Variants in LONRF2 observed in about 807,000 individuals in gnomAD.
The protein encoded by LONRF2 is LON peptidase N-terminal domain and ring finger 2.
In LONRF2, 35 loss-of-function variants were observed where a neutral mutation model predicts 66.6. The ratio of observed to expected loss-of-function variants is 0.53; its 90% CI spans 0.40 to 0.70. The LOEUF (loss-of-function observed/expected upper bound fraction) is 0.70. LONRF2 is among the 30% of genes least tolerant of loss of function. The pLI is 0.00. For missense variants in LONRF2, 902 were observed against 1,002.1 expected, an observed-to-expected ratio of 0.90 and a Z score of 1.35; for synonymous variants, 417 against 418.1, an observed-to-expected ratio of 1.00 and a Z score of 0.03.
intron 1 of LONRF2, among the ~76,000 whole-genome samples, chr2:100,312,765 T>A (rs1434338726): frequency 6.6e-6 from 1 of 152,238 alleles, no homozygotes; most frequent in African/African-American, 2.4e-5. Context: ...ACTTCACAAT[T>A]TAGTCTTTTA....
chr2:100,300,010 G>GAA, intron 4 of LONRF2, 92 bp from the exon 5 acceptor site: 2 of 361,122 alleles, frequency 5.5e-6, no homozygotes, highest in Non-Finnish European at 4.8e-6. Context: ...GAAATCTTTG[G>GAA]AAAAAAAAAG....
At chr2:100,298,250 T>C (rs916499356) in intron 7 of LONRF2, among the ~76,000 whole-genome samples, 3 of 152,250 alleles carry the variant, frequency 2.0e-5, no homozygotes, top group Non-Finnish European at 4.4e-5. Flanking sequence ...GTATTTACCA[T>C]ACCTAACGTA....
Position 100,321,653 on chromosome 2 carries a change from C to T in LONRF2, c.441G>A (p.Arg147=). 7.2e-7 allele frequency: 1 copy of T among 1,388,910 alleles called. No individual in the cohort carries two copies. The highest frequency in any genetic ancestry group is 9.3e-7 in the Non-Finnish European group (1 of 1,071,486). The allele number at this position is 1,388,910 out of a possible 1,614,324, so 86.0% of individuals were successfully genotyped here. The change falls in exon 1 of 12, where the codon CGG becomes CGA. Residue 147 remains arginine (R), a synonymous_variant. Coordinates refer to ENST00000393437, the MANE Select transcript of LONRF2 (RefSeq NM_198461.4). ...PRDLLGCPRC[R]RLLHKPVTLP... ...GCGTCACCGGCTTATGCAGCAGCCG[C>T]CGGCAGCGCGGGCAGCCGAGCAGGT...
At chr2:100,293,396 C>T (rs545049627) in intron 9 of LONRF2, among the ~76,000 whole-genome samples, 1 of 152,198 alleles carries the variant, frequency 6.6e-6, no homozygotes, top group Admixed American at 6.5e-5. Flanking sequence ...TTCCTGGGCA[C>T]GTAGGTGGAC....
Position 100,322,181 on chromosome 2 carries a change from C to A in LONRF2, c.-88G>T. Reference sequence around the variant, plus strand: ...TGCTGGGAACTGGCCGGCGGGAGCGCGGTCTCAGCCCTCGCCAGCAGCCAC... The same window carrying A: ...TGCTGGGAACTGGCCGGCGGGAGCGAGGTCTCAGCCCTCGCCAGCAGCCAC... On this transcript the variant is annotated 5_prime_UTR_variant, in exon 1 of 12. Transcript: ENST00000393437. 1 of 1,115,372 alleles carries A rather than the reference C, an allele frequency of 9.0e-7. No individual in the cohort carries two copies. Among genetic ancestry groups the A allele is most frequent in the Non-Finnish European group, 1.1e-6 (1 of 908,504 alleles). 69.1% of individuals were successfully genotyped at this position (1,115,372 alleles called of 1,614,324 possible). A position where few individuals can be genotyped will look rare whatever the true frequency, so the allele number is the denominator to read the frequency against.
chr2:100,294,946 C>A (rs1675034337), intron 8 of LONRF2, among the ~76,000 whole-genome samples: 1 of 151,566 alleles, frequency 6.6e-6, no homozygotes, highest in Non-Finnish European at 1.5e-5. Flanking sequence ...TACAGTTCAT[C>A]AGTAACAAAT....
chr2:100,322,047 C>T lies in LONRF2; in HGVS notation c.47G>A (p.Gly16Asp), dbSNP rs558772201. ...VPPPPPPQCP[G>D]CDRAEPIAQR... ...GGCGATCGGCTCCGCGCGGTCGCAG[C>T]CAGGACACTGGGGCGGCGGCGGCGG... Residue 16 changes from glycine (G) to aspartate (D), a missense_variant, in exon 1 of 12, where the codon GGC (glycine) becomes GAC (aspartate). Transcript: ENST00000393437. The T allele has an allele frequency of 2.3e-6, 3 of 1,332,772 alleles. No individual in the cohort carries two copies. Among genetic ancestry groups the T allele is most frequent in the South Asian group, 3.7e-5 (2 of 53,576 alleles). 82.6% of individuals were successfully genotyped at this position (1,332,772 alleles called of 1,614,324 possible).
intron 10 of LONRF2, among the ~76,000 whole-genome samples, chr2:100,290,029 C>T (rs1559175692): frequency 6.6e-6 from 1 of 152,078 alleles, no homozygotes. Context: ...ATCGTTTGAG[C>T]CTGGGAGGTC....
intron 4 of LONRF2, 50 bp downstream of exon 4, chr2:100,300,594 T>C (rs760280556): frequency 3.3e-6 from 5 of 1,534,214 alleles, no homozygotes; most frequent in East Asian, 2.3e-5. Context: ...AATGAAGCCA[T>C]TATGTAAAGC....
chr2:100,313,836 A>C (rs987666606), intron 1 of LONRF2, among the ~76,000 whole-genome samples: 1 of 152,174 alleles, frequency 6.6e-6, no homozygotes, highest in African/African-American at 2.4e-5. Flanking sequence ...GATATTTATA[A>C]ATGGAATGTA....
chr2:100,299,985 C>G, intron 4 of LONRF2, 67 bp from the exon 5 acceptor site: 1 of 919,240 alleles, frequency 1.1e-6, no homozygotes. Context: ...AAAAAGAATG[C>G]AGAAGCCTGT....
Position 100,273,328 on chromosome 2 carries a change from G to A in LONRF2, c.*10970C>T, listed in dbSNP as rs769639995. The A allele has an allele frequency of 1.3e-5, 2 of 152,234 alleles. No homozygotes were observed. Among genetic ancestry groups the A allele is most frequent in the Non-Finnish European group, 2.9e-5 (2 of 68,050 alleles). The allele number at this position is 152,234 out of a possible 1,614,324, so 9.4% of individuals were successfully genotyped here. A position where few individuals can be genotyped will look rare whatever the true frequency, so the allele number is the denominator to read the frequency against. On this transcript the variant is annotated 3_prime_UTR_variant, in exon 12 of 12. Coordinates refer to ENST00000393437, the MANE Select transcript of LONRF2 (RefSeq NM_198461.4). ...ACTGATTTATTGTGAAAAGCCGTCA[G>A]TCTGTGGTGATGTGTTAGTACATCC... is the stretch of plus-strand genomic sequence containing the variant.
intron 1 of LONRF2, among the ~76,000 whole-genome samples, chr2:100,309,816 GTA>G (rs1675373064): frequency 2.0e-5 from 3 of 152,120 alleles, no homozygotes; most frequent in Admixed American, 2.0e-4. Context: ...GGGATTACAG[GTA>G]TGTGCCACCA....
intron 3 of LONRF2, among the ~76,000 whole-genome samples, chr2:100,301,590 C>A (rs541257771): frequency 2.0e-4 from 31 of 152,330 alleles, no homozygotes; most frequent in Admixed American, 1.5e-3. Context: ...GGAGATGGAG[C>A]CACATTCCAT....
rs1674690424 is a variant in LONRF2 at position 100,280,381 on chromosome 2, A to C, written c.*3917T>G. ...TCCAGAGCGGGCTTCCCTGGGAATT[A>C]GTTTTTGGTGAACAATAGAATCAGA... is the stretch of plus-strand genomic sequence containing the variant. On this transcript the variant is annotated 3_prime_UTR_variant, in exon 12 of 12. Coordinates refer to ENST00000393437, the MANE Select transcript of LONRF2 (RefSeq NM_198461.4). The C allele has an allele frequency of 6.6e-6, 1 of 152,164 alleles. No individual in the cohort carries two copies. Among genetic ancestry groups the C allele is most frequent in the African/African-American group, 2.4e-5 (1 of 41,432 alleles). 9.4% of individuals were successfully genotyped at this position (152,164 alleles called of 1,614,324 possible). A position where few individuals can be genotyped will look rare whatever the true frequency, so the allele number is the denominator to read the frequency against.
rs1272341948 is a variant in LONRF2 at position 100,291,416 on chromosome 2, G to A, written c.1758-996C>T. The stretch of plus-strand genomic sequence containing the variant: ...AGTCCTCCACCTTCAAAGGCACTCC[G>A]CTCCTCCTCCCTCCTGCCTTCGCCC... On this transcript the variant is annotated intron_variant, in intron 9 of 11. Coordinates refer to ENST00000393437, the MANE Select transcript of LONRF2 (RefSeq NM_198461.4). 1.8e-4 allele frequency among the ~76,000 whole-genome samples: 27 copies of A among 151,710 alleles called. 1 individual carries two copies. Among genetic ancestry groups the A allele is most frequent in the Admixed American group, 1.6e-3 (25 of 15,240 alleles).
intron 9 of LONRF2, among the ~76,000 whole-genome samples, chr2:100,292,691 C>T (rs150795961): frequency 6.6e-6 from 1 of 152,190 alleles, no homozygotes; most frequent in Non-Finnish European, 1.5e-5. Flanking sequence ...TTCTAATTTA[C>T]TAATCTCTCC....
chr2:100,290,212 C>G (rs372544350), intron 10 of LONRF2, 46 bp downstream of exon 10: 76 of 1,549,174 alleles, frequency 4.9e-5, no homozygotes, highest in Admixed American at 3.6e-4. Flanking sequence ...CAAAGGGAAG[C>G]GAGAGGACCG....
At chr2:100,315,904 CACTG>C (rs1472132364) in intron 1 of LONRF2, among the ~76,000 whole-genome samples, 2 of 152,136 alleles carry the variant, frequency 1.3e-5, no homozygotes, top group African/African-American at 2.4e-5. Flanking sequence ...GCCTAAAGAT[CACTG>C]ACTATCAGCT....
Sources: allele counts gnomAD v4.1 joint callset (sites outside exome capture counted in the v4.1 genomes callset), GRCh38; gene constraint gnomAD v4.1.1; transcripts MANE v1.5; gene names NCBI Gene and HGNC (gene_info 2026-07-23, HGNC 2026-07-21).